The following CDH12 variants were observed in gnomAD, a reference collection of about 807,000 sequenced individuals.
CDH12 encodes the protein cadherin 12.
In CDH12, 41 loss-of-function variants were observed where a neutral mutation model predicts 74.1. The ratio of observed to expected loss-of-function variants is 0.55; its 90% CI spans 0.43 to 0.72. The LOEUF is 0.72. Among genes scored for constraint, CDH12 ranks in the 30% least tolerant of loss-of-function variants. The pLI is 0.00. For missense variants in CDH12, 945 were observed against 977.2 expected (o/e 0.97, Z 0.44); for synonymous variants, 399 against 355.0 (o/e 1.12, Z -1.39).
At chr5:22,047,484 T>G (rs1740035072) in intron 5 of CDH12, among the ~76,000 whole-genome samples, 1 of 152,100 alleles carries the variant, frequency 6.6e-6, no homozygotes, top group East Asian at 1.9e-4. Context: ...ACCTATATTT[T>G]ATATGCAGGT....
At chr5:22,776,894 A>G (rs1447631006) in intron 1 of CDH12, among the ~76,000 whole-genome samples, 1 of 152,210 alleles carries the variant, frequency 6.6e-6, no homozygotes, top group African/African-American at 2.4e-5. Flanking sequence ...TAAGTTTCTA[A>G]TTAGAAATAT....
intron 5 of CDH12, among the ~76,000 whole-genome samples, chr5:21,986,297 C>T (rs538844321): frequency 3.3e-5 from 5 of 152,126 alleles, no homozygotes; most frequent in Non-Finnish European, 7.4e-5. Context: ...ATGTTATTCC[C>T]CCAATGCTGT....
At chr5:22,497,901 C>T (rs1029940232) in intron 2 of CDH12, among the ~76,000 whole-genome samples, 1 of 152,016 alleles carries the variant, frequency 6.6e-6, no homozygotes, top group Non-Finnish European at 1.5e-5. Flanking sequence ...ACTCAGTCTC[C>T]CAAAGTGCTG....
intron 9 of CDH12, among the ~76,000 whole-genome samples, chr5:21,803,762 A>T (rs1345561604): frequency 6.6e-6 from 1 of 152,156 alleles, no homozygotes; most frequent in Non-Finnish European, 1.5e-5. Context: ...GTCTGACCCC[A>T]GTAAGTTGCT....
chr5:22,390,125 C>A (rs1190642817), intron 3 of CDH12, among the ~76,000 whole-genome samples: 1 of 151,844 alleles, frequency 6.6e-6, no homozygotes, highest in African/African-American at 2.4e-5. Flanking sequence ...TCTACATGTA[C>A]CTGAAAAGAT....
intron 4 of CDH12, among the ~76,000 whole-genome samples, chr5:22,128,669 T>C (rs1746015981): frequency 6.6e-6 from 1 of 152,176 alleles, no homozygotes. Flanking sequence ...GCTGTTCCCC[T>C]AAGATATTCT....
At chr5:21,798,389 T>C (rs1329275339) in intron 10 of CDH12, among the ~76,000 whole-genome samples, 3 of 152,014 alleles carry the variant, frequency 2.0e-5, no homozygotes, top group Non-Finnish European at 4.4e-5. Context: ...AGTGAGTAAA[T>C]TGGTTAGCAT....
chr5:22,825,153 T>C (rs996650955), intron 1 of CDH12, among the ~76,000 whole-genome samples: 2 of 152,138 alleles, frequency 1.3e-5, no homozygotes, highest in Non-Finnish European at 2.9e-5. Context: ...CTAGGAGCCA[T>C]GTGTAGTTCT....
chr5:22,633,106 G>A (rs544277918), intron 1 of CDH12, among the ~76,000 whole-genome samples: 26 of 152,104 alleles, frequency 1.7e-4, no homozygotes, highest in African/African-American at 6.0e-4. Context: ...CCAGTAAAAT[G>A]AACCTTTCAA....
intron 1 of CDH12, among the ~76,000 whole-genome samples, chr5:22,674,757 T>C (rs1404081823): frequency 6.6e-6 from 1 of 152,168 alleles, no homozygotes; most frequent in African/African-American, 2.4e-5. Context: ...TGTTGGGAAC[T>C]GGAGCAAAGG....
At chr5:22,266,848 C>T (rs1277781595) in intron 3 of CDH12, among the ~76,000 whole-genome samples, 1 of 152,072 alleles carries the variant, frequency 6.6e-6, no homozygotes, top group Non-Finnish European at 1.5e-5. Context: ...AAAGGAAAAT[C>T]TTTAATTATC....
intron 7 of CDH12, among the ~76,000 whole-genome samples, chr5:21,851,966 C>T (rs1178257759): frequency 1.3e-5 from 2 of 151,350 alleles, no homozygotes; most frequent in Non-Finnish European, 3.0e-5. Flanking sequence ...GTTTTCTACA[C>T]TCAAATGTGG....
intron 3 of CDH12, among the ~76,000 whole-genome samples, chr5:22,311,701 T>TAA (rs1738397536): frequency 1.6e-5 from 1 of 64,004 alleles, no homozygotes; most frequent in African/African-American, 6.4e-5. Context: ...AGACTCCATC[T>TAA]CAAAAAAAAA....
At chr5:22,132,383 C>G (rs1235360827) in intron 4 of CDH12, among the ~76,000 whole-genome samples, 3 of 151,922 alleles carry the variant, frequency 2.0e-5, no homozygotes, top group African/African-American at 7.3e-5. Flanking sequence ...AGTGACTTTG[C>G]TGTTGTGTTT....
chr5:22,157,587 GA>G (rs199765378), intron 4 of CDH12, among the ~76,000 whole-genome samples: 7 of 150,850 alleles, frequency 4.6e-5, no homozygotes, highest in Non-Finnish European at 1.0e-4. Context: ...CATAAAATCT[GA>G]AAAAAAAATT....
intron 1 of CDH12, among the ~76,000 whole-genome samples, chr5:22,805,466 A>T (rs1158984461): frequency 6.6e-6 from 1 of 152,072 alleles, no homozygotes; most frequent in Non-Finnish European, 1.5e-5. Flanking sequence ...TCAATTGAGA[A>T]ATAGTATATA....
At chr5:22,728,992 T>G (rs889825691) in intron 1 of CDH12, among the ~76,000 whole-genome samples, 1 of 151,810 alleles carries the variant, frequency 6.6e-6, no homozygotes, top group Non-Finnish European at 1.5e-5. Flanking sequence ...GTAAAAGCAT[T>G]CCCACATGCT....
chr5:21,989,424 G>T (rs1757654557), intron 5 of CDH12, among the ~76,000 whole-genome samples: 1 of 152,076 alleles, frequency 6.6e-6, no homozygotes, highest in African/African-American at 2.4e-5. Flanking sequence ...GCAATGTTTT[G>T]ACCAGACTTT....
chr5:22,702,962 T>C (rs1448656116), intron 1 of CDH12, among the ~76,000 whole-genome samples: 1 of 152,128 alleles, frequency 6.6e-6, no homozygotes, highest in Non-Finnish European at 1.5e-5. Flanking sequence ...TCATTTCTCC[T>C]TCCCTGATTC....
Sources: gnomAD v4.1 joint callset for allele counts (sites outside exome capture counted in the v4.1 genomes callset) on GRCh38, gnomAD v4.1.1 for gene constraint, MANE v1.5 for transcripts, NCBI Gene and HGNC (gene_info 2026-07-23, HGNC 2026-07-21) for gene names.